Variants in SPATS1 observed in about 807,000 individuals in gnomAD.
The protein encoded by SPATS1 is spermatogenesis-associated serine-rich protein 1.
In SPATS1, 23 loss-of-function variants were observed where a neutral mutation model predicts 33.6. That is an observed-to-expected ratio of 0.68 (90% confidence interval 0.49 to 0.97). The LOEUF is 0.97. Among genes scored for constraint, SPATS1 ranks in the 50% least tolerant of loss-of-function variants. The pLI is 0.00. For missense variants in SPATS1, 327 were observed against 361.0 expected, an observed-to-expected ratio of 0.91 and a Z score of 0.76; for synonymous variants, 131 against 125.6, an observed-to-expected ratio of 1.04 and a Z score of -0.29.
intron 1 of SPATS1, 33 bp from the exon 2 acceptor site, chr6:44,343,063 T>G (rs748914859): frequency 6.2e-7 from 1 of 1,612,390 alleles, no homozygotes. Flanking sequence ...GTCTCTGGGT[T>G]GCTTCTAATA....
rs569242706 is a variant in SPATS1, at chr6:44,372,299, T to C, written c.758+2186T>C. On this transcript the variant is annotated intron_variant, in intron 7 of 8. Coordinates refer to ENST00000674044, the MANE Select transcript of SPATS1 (RefSeq NM_001372081.1). The stretch of plus-strand genomic sequence containing the variant: ...TTGTTTGCTAATTCTATTATTTGTG[T>C]CATTTCTGGGTGTGTTTCTACTGAC... Among the ~76,000 whole-genome samples, 6 of 151,726 alleles carry C rather than the reference T, an allele frequency of 4.0e-5. No homozygotes were observed. In the South Asian group the frequency reaches 1.2e-3, roughly 32 times the overall value.
At chr6:44,360,217 C>T (rs1027301845) in intron 3 of SPATS1, among the ~76,000 whole-genome samples, 4 of 152,234 alleles carry the variant, frequency 2.6e-5, no homozygotes, top group Non-Finnish European at 5.9e-5. Flanking sequence ...ATCCACCTGT[C>T]TCAGCCTCCC....
intron 3 of SPATS1, among the ~76,000 whole-genome samples, chr6:44,357,365 T>C (rs1008853250): frequency 1.3e-5 from 2 of 152,102 alleles, no homozygotes; most frequent in East Asian, 3.9e-4. Context: ...ACTCCTTCCT[T>C]ACCCAGTTTT....
chr6:44,361,431 T>C (rs1049584827), intron 4 of SPATS1: 55 of 985,358 alleles, frequency 5.6e-5, no homozygotes, highest in Admixed American at 4.3e-4. Flanking sequence ...GCCATGTGGA[T>C]GGCACTGGCC....
intron 2 of SPATS1, among the ~76,000 whole-genome samples, chr6:44,348,957 C>G (rs776894444): frequency 1.2e-4 from 18 of 152,146 alleles, no homozygotes; most frequent in Non-Finnish European, 2.5e-4. Flanking sequence ...ATGGTGAAAC[C>G]CCGTCTCTAC....
At chr6:44,361,378 G>A (rs928317476) in intron 4 of SPATS1, 9 of 985,272 alleles carry the variant, frequency 9.1e-6, no homozygotes, top group South Asian at 4.7e-5. Context: ...GCACATGCGC[G>A]TGCTATTGTT....
At chr6:44,346,722 C>CT (rs766649854) in intron 2 of SPATS1, among the ~76,000 whole-genome samples, 13 of 151,474 alleles carry the variant, frequency 8.6e-5, no homozygotes, top group East Asian at 5.8e-4. Context: ...ATCTTTTGCC[C>CT]TTTTTTTTTC....
At chr6:44,369,063 AT>A (rs1208508562) in intron 6 of SPATS1, among the ~76,000 whole-genome samples, 29 of 151,880 alleles carry the variant, frequency 1.9e-4, no homozygotes, top group African/African-American at 5.3e-4. Context: ...CACCTGGGTA[AT>A]TTTTTGTATT....
chr6:44,360,112 GAACCACCAAATTATTTTTA>G (rs1788818342), intron 3 of SPATS1, among the ~76,000 whole-genome samples: 1 of 152,026 alleles, frequency 6.6e-6, no homozygotes, highest in Admixed American at 6.6e-5. Context: ...ACTTTTTGAG[GAACCACCAAATTATTTTTA>G]AACACTTAAA....
intron 7 of SPATS1, among the ~76,000 whole-genome samples, chr6:44,376,107 A>G (rs560005354): frequency 2.1e-4 from 31 of 148,784 alleles, no homozygotes; most frequent in African/African-American, 7.6e-4. Flanking sequence ...CTTTGTTTCA[A>G]AAAAAAAAAA....
chr6:44,343,041 G>A, intron 1 of SPATS1, 55 bp from the exon 2 acceptor site: 1 of 1,604,880 alleles, frequency 6.2e-7, no homozygotes, highest in Non-Finnish European at 8.5e-7. Flanking sequence ...TTTCTTACGA[G>A]GGACTTTCTT....
At chr6:44,370,648 C>G (rs1789547824) in intron 7 of SPATS1, among the ~76,000 whole-genome samples, 1 of 152,054 alleles carries the variant, frequency 6.6e-6, no homozygotes. Flanking sequence ...TTTTTACTTT[C>G]TAATACAAAA....
chr6:44,344,331 C>T (rs183258521), intron 2 of SPATS1, among the ~76,000 whole-genome samples: 1 of 151,526 alleles, frequency 6.6e-6, no homozygotes, highest in African/African-American at 2.4e-5. Flanking sequence ...CTGAGTTTAG[C>T]TTAACATGGA....
intron 3 of SPATS1, among the ~76,000 whole-genome samples, chr6:44,356,766 A>G (rs140680462): frequency 2.6e-5 from 4 of 152,350 alleles, no homozygotes; most frequent in Admixed American, 2.0e-4. Context: ...ACAAAGCCAC[A>G]GTCTCTTTGT....
chr6:44,354,601 T>C lies in SPATS1; in HGVS notation c.287+1728T>C, dbSNP rs76231347. On this transcript the variant is annotated intron_variant, in intron 3 of 8. Transcript: ENST00000674044. Reference sequence around the variant, plus strand: ...GAAAAATTAACAGTAAGGTACAAAGTTCCTATGTACTCCCTGCCCCAACAC... The same window carrying C: ...GAAAAATTAACAGTAAGGTACAAAGCTCCTATGTACTCCCTGCCCCAACAC... Among the ~76,000 whole-genome samples the C allele has an allele frequency of 7.8e-3, 1,193 of 152,214 alleles. 7 individuals are homozygous for C. Among genetic ancestry groups the C allele is most frequent in the Non-Finnish European group, 0.013 (871 of 68,014 alleles).
chr6:44,369,978 G>C, intron 6 of SPATS1, 73 bp from the exon 7 acceptor site: 1 of 1,028,556 alleles, frequency 9.7e-7, no homozygotes, highest in African/African-American at 1.6e-5. Flanking sequence ...ACATTCTATT[G>C]AATACAATGA....
At chr6:44,369,739 G>A (rs928061569) in intron 6 of SPATS1, among the ~76,000 whole-genome samples, 4 of 151,926 alleles carry the variant, frequency 2.6e-5, no homozygotes, top group Non-Finnish European at 4.4e-5. Context: ...GGGCATGGTG[G>A]TGTGTGCCTA....
chr6:44,344,798 A>G (rs186611429), intron 2 of SPATS1, among the ~76,000 whole-genome samples: 1 of 152,316 alleles, frequency 6.6e-6, no homozygotes, highest in Non-Finnish European at 1.5e-5. Flanking sequence ...CTTTCTGGTT[A>G]CCAGAACCTT....
At chr6:44,371,165 G>T (rs1424818306) in intron 7 of SPATS1, among the ~76,000 whole-genome samples, 1 of 151,964 alleles carries the variant, frequency 6.6e-6, no homozygotes, top group Non-Finnish European at 1.5e-5. Flanking sequence ...CAGGCATAGT[G>T]GTATGCAACT....
Sources: allele counts gnomAD v4.1 joint callset (sites outside exome capture counted in the v4.1 genomes callset), GRCh38; gene constraint gnomAD v4.1.1; transcripts MANE v1.5; gene names NCBI Gene and HGNC (gene_info 2026-07-23, HGNC 2026-07-21).